RIPK1: variants seen among roughly 807,000 people sequenced by gnomAD.
RIPK1 encodes the protein receptor interacting serine/threonine kinase 1.
In RIPK1, 27 loss-of-function variants were observed where a neutral mutation model predicts 62.4. The ratio of observed to expected loss-of-function variants is 0.43; its 90% confidence interval spans 0.32 to 0.60. The LOEUF (loss-of-function observed/expected upper bound fraction) is 0.60, where lower values mean the gene tolerates loss of function less well. Ranked by LOEUF, RIPK1 falls within the 20% of genes least tolerant of loss-of-function variation. The pLI is 0.07. For synonymous variants in RIPK1, 287 were observed against 303.2 expected, an observed-to-expected ratio of 0.95 and a Z score of 0.55; for missense variants, 735 against 831.0, an observed-to-expected ratio of 0.88 and a Z score of 1.42.
chr6:3,104,341 A>G (rs1760725628), intron 8 of RIPK1, 26 bp downstream of exon 8: 5 of 1,233,120 alleles, frequency 4.1e-6, no homozygotes, highest in South Asian at 1.2e-5. Context: ...GTCAAAATCT[A>G]TTCATTTATT....
At chr6:3,094,153 C>A (rs148931870) in intron 7 of RIPK1, among the ~76,000 whole-genome samples, 6 of 134,480 alleles carry the variant, frequency 4.5e-5, no homozygotes, top group Admixed American at 3.5e-4. Flanking sequence ...ACCTACCTGC[C>A]GCACCTAGTA....
chr6:3,067,852 C>G (rs558083267), upstream of RIPK1, among the ~76,000 whole-genome samples: 1 of 152,116 alleles, frequency 6.6e-6, no homozygotes, highest in East Asian at 1.9e-4. Context: ...AAGGGATTCT[C>G]CTGCCTCAGC....
intron 6 of RIPK1, among the ~76,000 whole-genome samples, chr6:3,088,197 G>A (rs1234712585): frequency 6.6e-6 from 1 of 152,178 alleles, no homozygotes; most frequent in African/African-American, 2.4e-5. Flanking sequence ...GGGAAGAGTG[G>A]TGGCCACCTT....
At chr6:3,107,491 G>A (rs1347114226) in intron 9 of RIPK1, among the ~76,000 whole-genome samples, 3 of 150,586 alleles carry the variant, frequency 2.0e-5, no homozygotes, top group Non-Finnish European at 4.4e-5. Flanking sequence ...CTTGAACCCG[G>A]GAGGCAGAGG....
chr6:3,104,047 T>A (rs1760708090), intron 7 of RIPK1, among the ~76,000 whole-genome samples, 178 bp from the exon 8 acceptor site: 1 of 152,214 alleles, frequency 6.6e-6, no homozygotes, highest in Non-Finnish European at 1.5e-5. Context: ...CCTACAACCT[T>A]GTTCTTTTTA....
chr6:3,084,844 A>G (rs1759605183), intron 5 of RIPK1, among the ~76,000 whole-genome samples: 1 of 152,066 alleles, frequency 6.6e-6, no homozygotes, highest in African/African-American at 2.4e-5. Flanking sequence ...CGCCTGTCTC[A>G]ACCTCCCAAA....
In RIPK1 at chr6:3,083,067, G is replaced by C. The variant is rs745937922; in HGVS notation, c.460-18G>C. On this transcript the variant is annotated intron_variant, in intron 4 of 10. Coordinates refer to ENST00000259808, the MANE Select transcript of RIPK1 (RefSeq NM_001354930.2). ...CGGCCTTCACCAAACAATCCCAGTGGCTCAATGTCTTTCGCAGATCGCAGA... is the reference window on the plus strand; with the variant it reads ...CGGCCTTCACCAAACAATCCCAGTGCCTCAATGTCTTTCGCAGATCGCAGA... 7 of 1,611,938 alleles carry C rather than the reference G, an allele frequency of 4.3e-6. No individual in the cohort carries two copies. The Admixed American group carries it at 1.0e-4, about 23-fold the overall frequency.
chr6:3,087,771 C>T (rs1211215314), intron 6 of RIPK1, among the ~76,000 whole-genome samples: 1 of 126,452 alleles, frequency 7.9e-6, no homozygotes, highest in Non-Finnish European at 1.7e-5. Context: ...CATCTCCTGA[C>T]CTTGTGATCA....
At chr6:3,098,918 G>C (rs7762469) in intron 7 of RIPK1, among the ~76,000 whole-genome samples, 22,206 of 152,214 alleles carry the variant, frequency 0.15, 4,199 homozygotes, top group African/African-American at 0.44. Context: ...AATGGCCAAG[G>C]CTTTATCCCC....
intron 1 of RIPK1, among the ~76,000 whole-genome samples, chr6:3,069,846 A>G (rs1758605515): frequency 6.6e-6 from 1 of 152,196 alleles, no homozygotes; most frequent in African/African-American, 2.4e-5. Flanking sequence ...CCCTGTCTCT[A>G]CTAAAAATAC....
chr6:3,085,069 T>G (rs1759618692), intron 5 of RIPK1, among the ~76,000 whole-genome samples, 190 bp from the exon 6 acceptor site: 1 of 152,250 alleles, frequency 6.6e-6, no homozygotes, highest in Admixed American at 6.5e-5. Flanking sequence ...TTGTTTTATC[T>G]GCAGACATTA....
chr6:3,085,123 T>C, intron 5 of RIPK1, 136 bp from the exon 6 acceptor site: 2 of 842,042 alleles, frequency 2.4e-6, no homozygotes, highest in South Asian at 1.6e-5. Context: ...GTCAGCTCCT[T>C]GTCATAAGGC....
rs149297791 is a variant in RIPK1, at chr6:3,070,843, C to T, written c.-61+2182C>T. Reference sequence around the variant, plus strand: ...GGTGGGTCTTTGCATCTGGATTTTTCCGAAGACAGATTATTTGCTATCTAG... The same window carrying T: ...GGTGGGTCTTTGCATCTGGATTTTTTCGAAGACAGATTATTTGCTATCTAG... On this transcript the variant is annotated intron_variant, in intron 1 of 10. Transcript: ENST00000259808. 3.7e-3 allele frequency among the ~76,000 whole-genome samples: 557 copies of T among 152,344 alleles called. 2 individuals carry two copies. The highest frequency in any genetic ancestry group is 0.031 in the Middle Eastern group (9 of 294).
chr6:3,088,492 A>G (rs528002351), intron 6 of RIPK1, among the ~76,000 whole-genome samples: 57 of 152,344 alleles, frequency 3.7e-4, no homozygotes, highest in Non-Finnish European at 5.1e-4. Context: ...TCCTGACACC[A>G]TGGGAGTGGA....
upstream of RIPK1, among the ~76,000 whole-genome samples, chr6:3,064,268 C>T (rs1328273977): frequency 6.6e-6 from 1 of 152,136 alleles, no homozygotes; most frequent in African/African-American, 2.4e-5. Context: ...CAGCTCCCAG[C>T]CAGCGCGGAC....
At chr6:3,112,662 C>T (rs548504424) in intron 10 of RIPK1, among the ~76,000 whole-genome samples, 1 of 152,308 alleles carries the variant, frequency 6.6e-6, no homozygotes, top group South Asian at 2.1e-4. Flanking sequence ...TCCTCAGTAA[C>T]TGGGACTACA....
At chr6:3,080,187 A>C (rs3799207) in intron 3 of RIPK1, among the ~76,000 whole-genome samples, 5,975 of 152,324 alleles carry the variant, frequency 0.039, 315 homozygotes, top group African/African-American at 0.12. Context: ...TCTATCATTA[A>C]AATTTTTTTC....
intron 7 of RIPK1, among the ~76,000 whole-genome samples, chr6:3,099,589 A>C (rs1760494814): frequency 6.6e-6 from 1 of 152,158 alleles, no homozygotes; most frequent in South Asian, 2.1e-4. Context: ...ATAATAGACA[A>C]AGAACATAGA....
intron 7 of RIPK1, among the ~76,000 whole-genome samples, chr6:3,096,487 C>T (rs899927902): frequency 1.3e-5 from 2 of 150,204 alleles, no homozygotes; most frequent in African/African-American, 4.9e-5. Context: ...CACCATAGTA[C>T]GAAGATGTCA....
Sources: allele counts gnomAD v4.1 joint callset (sites outside exome capture counted in the v4.1 genomes callset), GRCh38; gene constraint gnomAD v4.1.1; transcripts MANE v1.5; gene names NCBI Gene and HGNC (gene_info 2026-07-23, HGNC 2026-07-21).